Variants in ZBTB5 observed in about 807,000 individuals in gnomAD.
ZBTB5 encodes the protein zinc finger and BTB domain containing 5, also known as zinc finger and BTB domain-containing protein 5.
ZBTB5 carries 15 observed loss-of-function variants against 37.9 expected under a neutral mutation model. That is an observed-to-expected ratio of 0.40 (90% CI 0.26 to 0.61). The LOEUF is 0.61. Among genes scored for constraint, ZBTB5 ranks in the 20% least tolerant of loss-of-function variants. The pLI is 0.47. For missense variants in ZBTB5, 708 were observed against 856.8 expected (o/e 0.83, Z 2.17); for synonymous variants, 315 against 312.4 (o/e 1.01, Z -0.09).
In ZBTB5 at chr9:37,465,425, G is replaced by A. The variant is rs979452514; in HGVS notation, c.-215C>T. ...CGCAGCACTCTGAGAACACGGCGGC[G>A]GCGCCCGAGGATAAGCGGAAGTGAC... On this transcript the variant is annotated 5_prime_UTR_variant, in exon 1 of 2. Transcript: ENST00000307750. 1 of 151,060 alleles carries A rather than the reference G, an allele frequency of 6.6e-6. No homozygotes were observed. Among genetic ancestry groups the A allele is most frequent in the African/African-American group, 2.4e-5 (1 of 41,104 alleles). 9.4% of individuals were successfully genotyped at this position (151,060 alleles called of 1,614,324 possible). A position where few individuals can be genotyped will look rare whatever the true frequency, so the allele number is the denominator to read the frequency against.
rs1192452006 is a variant in ZBTB5, at chr9:37,438,918, C to T, written c.*1600G>A. ...TGGGAGATGCCAAGCGCCCCTGGAACATGAAATTATCCACACATGTGTAAC... is the reference window on the plus strand; with the variant it reads ...TGGGAGATGCCAAGCGCCCCTGGAATATGAAATTATCCACACATGTGTAAC... On this transcript the variant is annotated 3_prime_UTR_variant, in exon 2 of 2. Coordinates refer to ENST00000307750, the MANE Select transcript of ZBTB5 (RefSeq NM_014872.3). The T allele has an allele frequency of 6.6e-6, 1 of 152,182 alleles. No homozygotes were observed. The highest frequency in any genetic ancestry group is 6.5e-5 in the Admixed American group (1 of 15,286). The allele number at this position is 152,182 out of a possible 1,614,324, so 9.4% of individuals were successfully genotyped here.
At chr9:37,463,063 G>C (rs1294737663) in intron 1 of ZBTB5, among the ~76,000 whole-genome samples, 1 of 152,022 alleles carries the variant, frequency 6.6e-6, no homozygotes, top group Non-Finnish European at 1.5e-5. Flanking sequence ...AATCTGTTTG[G>C]GATGTCAAGA....
intron 1 of ZBTB5, among the ~76,000 whole-genome samples, chr9:37,463,774 GCTAACT>G (rs1824337569): frequency 6.6e-6 from 1 of 152,102 alleles, no homozygotes; most frequent in South Asian, 2.1e-4. Flanking sequence ...AGCATCCTCA[GCTAACT>G]AAAAGTTATG....
chr9:37,445,419 G>C (rs1248584775), intron 1 of ZBTB5, among the ~76,000 whole-genome samples: 3 of 152,072 alleles, frequency 2.0e-5, no homozygotes, highest in Non-Finnish European at 4.4e-5. Flanking sequence ...GAGGTAGGTG[G>C]GTCCCTTGAG....
In ZBTB5 at chr9:37,440,728, C is replaced by G. The variant is rs768017555; in HGVS notation, c.1824G>C (p.Glu608Asp). The G allele has an allele frequency of 2.0e-5, 32 of 1,614,160 alleles. No individual in the cohort carries two copies. The highest frequency in any genetic ancestry group is 2.6e-5 in the Non-Finnish European group (31 of 1,180,060). ...TTTTGCAGGCATACTTGCGAGCTCC[C>G]TCTACAACCAAAACATTGTGCTCTG... is the stretch of plus-strand genomic sequence containing the variant. ...ALSEHNVLVV[E>D]GARKYACKIC... is the part of the protein sequence containing the mutation. Residue 608 changes from glutamate (E) to aspartate (D), a missense_variant, in exon 2 of 2, where the codon GAG becomes GAC. Glu to Asp is a conservative substitution (Grantham distance 45). Transcript: ENST00000307750.
intron 1 of ZBTB5, among the ~76,000 whole-genome samples, chr9:37,449,417 G>C (rs1054172301): frequency 2.5e-4 from 38 of 152,074 alleles, no homozygotes; most frequent in Non-Finnish European, 1.9e-4. Context: ...GTAAAAAAAG[G>C]CCTGGTGCGG....
intron 1 of ZBTB5, among the ~76,000 whole-genome samples, chr9:37,459,321 G>A (rs575206793): frequency 3.9e-5 from 6 of 151,936 alleles, no homozygotes; most frequent in East Asian, 2.0e-4. Context: ...TTGGTGGGGC[G>A]TGGTGACACA....
intron 1 of ZBTB5, among the ~76,000 whole-genome samples, chr9:37,454,543 A>C (rs145349004): frequency 2.6e-5 from 4 of 152,370 alleles, no homozygotes; most frequent in Admixed American, 2.0e-4. Flanking sequence ...GGAATTTCAA[A>C]ACTAAATATA....
In ZBTB5 at chr9:37,465,235, C is replaced by T. The variant is rs1403427377; in HGVS notation, c.-25G>A. ...CTCACCTGAGTCGGGCTCCGCCCCCCTCCTCCTCGCTGAAGGAGGCGGTGA... is the reference window on the plus strand; with the variant it reads ...CTCACCTGAGTCGGGCTCCGCCCCCTTCCTCCTCGCTGAAGGAGGCGGTGA... On this transcript the variant is annotated 5_prime_UTR_variant, in exon 1 of 2. Transcript: ENST00000307750. 1 of 152,234 alleles carries T rather than the reference C, an allele frequency of 6.6e-6. No individual in the cohort carries two copies. The highest frequency in any genetic ancestry group is 1.5e-5 in the Non-Finnish European group (1 of 68,064). 9.4% of individuals were successfully genotyped at this position (152,234 alleles called of 1,614,324 possible).
rs1304963702 is a variant in ZBTB5, at chr9:37,438,298, T to C, written c.*2220A>G. 1 of 152,600 alleles carries C rather than the reference T, an allele frequency of 6.6e-6. No homozygotes were observed. Among genetic ancestry groups the C allele is most frequent in the Non-Finnish European group, 1.5e-5 (1 of 68,016 alleles). 9.5% of individuals were successfully genotyped at this position (152,600 alleles called of 1,614,324 possible). On this transcript the variant is annotated 3_prime_UTR_variant, in exon 2 of 2. Coordinates refer to ENST00000307750, the MANE Select transcript of ZBTB5 (RefSeq NM_014872.3). ...AAATTCAGGTACCCAAAACCAGTTA[T>C]AATCCAGGTAGAAACTACAGATCAT...
intron 1 of ZBTB5, among the ~76,000 whole-genome samples, chr9:37,455,210 C>T (rs1824165888): frequency 1.3e-5 from 2 of 152,056 alleles, no homozygotes; most frequent in African/African-American, 4.8e-5. Flanking sequence ...AGCAGCGTGG[C>T]CAAGGAGAGA....
In ZBTB5 at chr9:37,465,381, G is replaced by C. The variant is rs1039935901; in HGVS notation, c.-171C>G. On this transcript the variant is annotated 5_prime_UTR_variant, in exon 1 of 2. Transcript: ENST00000307750. ...CTCCCACCCCGCCTCTAGTCCCCTAGCTCCTCCAGCCAGTTCGCCGCAGCA... is the reference window on the plus strand; with the variant it reads ...CTCCCACCCCGCCTCTAGTCCCCTACCTCCTCCAGCCAGTTCGCCGCAGCA... 3 of 112,930 alleles carry C rather than the reference G, an allele frequency of 2.7e-5. No homozygotes were observed. Among genetic ancestry groups the C allele is most frequent in the African/African-American group, 6.7e-5 (2 of 29,872 alleles). The allele number at this position is 112,930 out of a possible 1,614,324, so 7.0% of individuals were successfully genotyped here.
chr9:37,443,976 G>C (rs1489527137), intron 1 of ZBTB5, among the ~76,000 whole-genome samples: 1 of 149,510 alleles, frequency 6.7e-6, no homozygotes. Context: ...CCAGCTACTT[G>C]GGAGGCTGAG....
At chr9:37,459,519 C>A (rs944127775) in intron 1 of ZBTB5, among the ~76,000 whole-genome samples, 13 of 150,966 alleles carry the variant, frequency 8.6e-5, no homozygotes, top group Non-Finnish European at 1.6e-4. Flanking sequence ...GCATAAACAA[C>A]TTTTAAACAT....
intron 1 of ZBTB5, among the ~76,000 whole-genome samples, chr9:37,459,631 G>GCC (rs1355479234): frequency 2.0e-5 from 3 of 149,192 alleles, no homozygotes; most frequent in Admixed American, 2.0e-4. Flanking sequence ...TCAGCTCACT[G>GCC]CAACCTCCAG....
chr9:37,464,916 G>A (rs1373223038), intron 1 of ZBTB5, among the ~76,000 whole-genome samples: 1 of 152,230 alleles, frequency 6.6e-6, no homozygotes, highest in Non-Finnish European at 1.5e-5. Context: ...TGGTCCTGAG[G>A]CCTTTCCCAC....
chr9:37,441,585 C>T lies in ZBTB5; in HGVS notation c.967G>A (p.Glu323Lys). The stretch of plus-strand genomic sequence containing the variant: ...GATTTAACCACCACTCTCATGTGCT[C>T]CTTCTCACCAAGGCCAACCTCAGGG... The part of the protein sequence containing the change: ...ENPEVGLGEK[E>K]HMRVVVKSEP... The change falls in exon 2 of 2, where the codon GAG becomes AAG. Residue 323 changes from glutamate (E) to lysine (K), a missense_variant. Coordinates refer to ENST00000307750, the MANE Select transcript of ZBTB5 (RefSeq NM_014872.3). The T allele has an allele frequency of 6.2e-7, 1 of 1,613,006 alleles. No individual in the cohort carries two copies. The highest frequency in any genetic ancestry group is 8.5e-7 in the Non-Finnish European group (1 of 1,179,884).
At chr9:37,445,611 ACTCTAATCTGGGAGACAG>A (rs1406952672) in intron 1 of ZBTB5, among the ~76,000 whole-genome samples, 1 of 151,390 alleles carries the variant, frequency 6.6e-6, no homozygotes, top group Non-Finnish European at 1.5e-5. Flanking sequence ...ACGTCACTGC[ACTCTAATCTGGGAGACAG>A]AGTGAGACCC....
chr9:37,453,173 ATGTC>A (rs1318977086), intron 1 of ZBTB5, among the ~76,000 whole-genome samples: 14 of 152,116 alleles, frequency 9.2e-5, no homozygotes, highest in South Asian at 4.1e-4. Context: ...AAGATGCCAC[ATGTC>A]TGTCTGTCTG....
Sources: gnomAD v4.1 joint callset for allele counts (sites outside exome capture counted in the v4.1 genomes callset) on GRCh38, gnomAD v4.1.1 for gene constraint, MANE v1.5 for transcripts, NCBI Gene and HGNC (gene_info 2026-07-23, HGNC 2026-07-21) for gene names.